Variants in TMEM71 observed in about 807,000 individuals in gnomAD.
The protein encoded by TMEM71 is transmembrane protein 71.
TMEM71 carries 44 observed loss-of-function variants against 38.0 expected under a neutral mutation model. That is an observed-to-expected ratio of 1.16 (90% confidence interval 0.91 to 1.49). The LOEUF (loss-of-function observed/expected upper bound fraction) is 1.49. Among genes scored for constraint, TMEM71 ranks in the 40% most tolerant of loss-of-function variants. TMEM71 has a pLI of 0.00. For missense variants in TMEM71, 367 were observed against 348.6 expected, an observed-to-expected ratio of 1.05 and a Z score of -0.42; for synonymous variants, 133 against 122.5, an observed-to-expected ratio of 1.09 and a Z score of -0.56.
intron 1 of TMEM71, among the ~76,000 whole-genome samples, chr8:132,759,935 T>C (rs1483992078): frequency 6.6e-6 from 1 of 152,190 alleles, no homozygotes. Context: ...ACAAATTTCA[T>C]TTGTTTGGGA....
At chr8:132,725,739 G>T (rs1827108220) in intron 6 of TMEM71, among the ~76,000 whole-genome samples, 1 of 152,158 alleles carries the variant, frequency 6.6e-6, no homozygotes. Flanking sequence ...GGGAATCAAG[G>T]CGAAGTGAAG....
downstream of TMEM71, among the ~76,000 whole-genome samples, chr8:132,705,892 C>A (rs1405601084): frequency 1.3e-5 from 2 of 152,078 alleles, no homozygotes; most frequent in African/African-American, 4.8e-5. Context: ...GTATTATGTA[C>A]TGAATGTTTT....
At chr8:132,716,078 C>G (rs796684757) in intron 7 of TMEM71, among the ~76,000 whole-genome samples, 24 of 152,286 alleles carry the variant, frequency 1.6e-4, no homozygotes, top group African/African-American at 5.8e-4. Context: ...CTGGAGGGGG[C>G]CCCGCCCTCC....
At position 132,731,929 on chromosome 8, in the gene TMEM71, G is replaced by A. The variant is rs558132698; in HGVS notation, c.488-3943C>T. Among the ~76,000 whole-genome samples the A allele has an allele frequency of 4.6e-5, 7 of 152,312 alleles. No individual in the cohort carries two copies. The South Asian group carries it at 1.2e-3, about 27-fold the overall frequency. Reference sequence around the variant, plus strand: ...GGAGGAAAGACTGAAGCAGCCCCCAGGTGACATACCCAGAGAAGACCCCCA... The same window carrying A: ...GGAGGAAAGACTGAAGCAGCCCCCAAGTGACATACCCAGAGAAGACCCCCA... On this transcript the variant is annotated intron_variant, in intron 5 of 9. Transcript: ENST00000677595.
Position 132,710,817 on chromosome 8 carries a change from T to A in TMEM71, c.*150A>T, listed in dbSNP as rs1826194148. On this transcript the variant is annotated 3_prime_UTR_variant, in exon 10 of 10. Coordinates refer to ENST00000677595, the MANE Select transcript of TMEM71 (RefSeq NM_001382403.1). ...TTTGATGGAAAAACTGAGATCATTT[T>A]AAAATCACATAGTCAAACTAAAATG... 1 of 715,228 alleles carries A rather than the reference T, an allele frequency of 1.4e-6. No individual in the cohort carries two copies. Among genetic ancestry groups the A allele is most frequent in the African/African-American group, 1.8e-5 (1 of 54,436 alleles). 44.3% of individuals were successfully genotyped at this position (715,228 alleles called of 1,614,324 possible). A position where few individuals can be genotyped will look rare whatever the true frequency, so the allele number is the denominator to read the frequency against.
At chr8:132,718,702 A>T (rs1826675615) in intron 7 of TMEM71, among the ~76,000 whole-genome samples, 2 of 152,092 alleles carry the variant, frequency 1.3e-5, no homozygotes, top group South Asian at 2.1e-4. Context: ...CAGCCCCCCT[A>T]CCTGGGGATT....
intron 6 of TMEM71, among the ~76,000 whole-genome samples, chr8:132,725,775 G>A (rs903677205): frequency 2.0e-5 from 3 of 152,222 alleles, no homozygotes; most frequent in Non-Finnish European, 2.9e-5. Context: ...CCAGAAGGGG[G>A]TAGAGAAGGT....
At position 132,758,900 on chromosome 8, in the gene TMEM71, A is replaced by G. The variant is rs779866387; in HGVS notation, c.-21T>C. 4 of 1,611,948 alleles carry G rather than the reference A, an allele frequency of 2.5e-6. No individual in the cohort carries two copies. The East Asian group carries it at 8.9e-5, about 36-fold the overall frequency. On this transcript the variant is annotated 5_prime_UTR_variant, in exon 2 of 10. The change abolishes the stop of an existing upstream ORF in the 5' untranslated region. Coordinates refer to ENST00000677595, the MANE Select transcript of TMEM71 (RefSeq NM_001382403.1). The stretch of plus-strand genomic sequence containing the variant: ...TACATCTTGGGAAGGCCGCTTGCTC[A>G]AACTTCACAGATTCTCTGCAAAAGA...
At chr8:132,725,919 C>A (rs974257835) in intron 6 of TMEM71, among the ~76,000 whole-genome samples, 4 of 152,158 alleles carry the variant, frequency 2.6e-5, no homozygotes, top group African/African-American at 9.7e-5. Context: ...GCAAAGAGTA[C>A]AAAGGTTAAC....
chr8:132,758,623 A>ATTT, intron 2 of TMEM71: 1 of 450,926 alleles, frequency 2.2e-6, no homozygotes, highest in Non-Finnish European at 4.0e-6. Context: ...AAAAACGGTG[A>ATTT]TTTTTTTTTT....
In TMEM71 at chr8:132,710,215, G is replaced by A. The variant is rs1415592654; in HGVS notation, c.*752C>T. On this transcript the variant is annotated 3_prime_UTR_variant, in exon 10 of 10. Coordinates refer to ENST00000677595, the MANE Select transcript of TMEM71 (RefSeq NM_001382403.1). ...AAGGGTACAACTGCACCATTTTCAT[G>A]CATTTGAAAGCGCATTGGTGTTTTG... is the stretch of plus-strand genomic sequence containing the variant. The A allele has an allele frequency of 6.6e-6, 1 of 152,072 alleles. No homozygotes were observed. Among genetic ancestry groups the A allele is most frequent in the African/African-American group, 2.4e-5 (1 of 41,398 alleles). The allele number at this position is 152,072 out of a possible 1,614,324, so 9.4% of individuals were successfully genotyped here. A position where few individuals can be genotyped will look rare whatever the true frequency, so the allele number is the denominator to read the frequency against.
intron 5 of TMEM71, among the ~76,000 whole-genome samples, chr8:132,746,384 T>C (rs1356365549): frequency 2.6e-4 from 5 of 19,468 alleles, no homozygotes; most frequent in South Asian, 3.0e-3. Flanking sequence ...TACATATATA[T>C]ATACATATAT....
chr8:132,719,229 G>C (rs1826704511), intron 7 of TMEM71, among the ~76,000 whole-genome samples: 1 of 152,078 alleles, frequency 6.6e-6, no homozygotes, highest in Admixed American at 6.5e-5. Context: ...TATAATAATT[G>C]ATTTGTCTTG....
intron 5 of TMEM71, among the ~76,000 whole-genome samples, chr8:132,745,554 G>A (rs1005661779): frequency 1.3e-5 from 2 of 152,120 alleles, no homozygotes; most frequent in African/African-American, 2.4e-5. Context: ...CAGAGAAAAG[G>A]GAATGCTTAT....
chr8:132,756,165 T>C (rs980995160), intron 3 of TMEM71, among the ~76,000 whole-genome samples: 1 of 151,712 alleles, frequency 6.6e-6, no homozygotes, highest in Admixed American at 6.6e-5. Context: ...AGAGAGTCAT[T>C]AAAAAAAGAA....
rs145720131 is a variant in TMEM71, at chr8:132,728,873, T to C, written c.488-887A>G. Among the ~76,000 whole-genome samples, 455 of 152,322 alleles carry C rather than the reference T, an allele frequency of 3.0e-3. 2 individuals carry two copies. Among genetic ancestry groups the C allele is most frequent in the African/African-American group, 0.01 (428 of 41,572 alleles). On this transcript the variant is annotated intron_variant, in intron 5 of 9. Coordinates refer to ENST00000677595, the MANE Select transcript of TMEM71 (RefSeq NM_001382403.1). ...TGGCAGGGAAGAAAATATCTTGTGA[T>C]AAGTGTCATGAAGGAAATTCTGCCT...
chr8:132,771,282 C>T, the TMEM71 span, among the ~76,000 whole-genome samples: 2 of 152,168 alleles, frequency 1.3e-5, no homozygotes, highest in Non-Finnish European at 2.9e-5. Flanking sequence ...CCCTTCCTTC[C>T]ATTCTCAAAA....
At chr8:132,722,759 T>C (rs146633457) in intron 6 of TMEM71, among the ~76,000 whole-genome samples, 1 of 152,230 alleles carries the variant, frequency 6.6e-6, no homozygotes, top group African/African-American at 2.4e-5. Flanking sequence ...GAACATATAT[T>C]ATGAAATATT....
Position 132,744,972 on chromosome 8 carries a change from C to A in TMEM71, c.487+1970G>T, listed in dbSNP as rs142164241. On this transcript the variant is annotated intron_variant, in intron 5 of 9. Transcript: ENST00000677595. The stretch of plus-strand genomic sequence containing the variant: ...TAAATGGAGCTGGGATAGCTATATG[C>A]AGAAGAATAAAACTGGACCTCTACC... Among the ~76,000 whole-genome samples, 446 of 152,118 alleles carry A rather than the reference C, an allele frequency of 2.9e-3. 4 individuals are homozygous for A. The highest frequency in any genetic ancestry group is 0.01 in the African/African-American group (416 of 41,528).
Sources: allele counts gnomAD v4.1 joint callset (sites outside exome capture counted in the v4.1 genomes callset), GRCh38; gene constraint gnomAD v4.1.1; transcripts MANE v1.5; gene names NCBI Gene and HGNC (gene_info 2026-07-23, HGNC 2026-07-21).